The following CAMTA1 variants were observed in gnomAD, a reference collection of about 807,000 sequenced individuals.
CAMTA1 encodes calmodulin-binding transcription activator 1.
A neutral mutation model predicts 170.9 loss-of-function variants in CAMTA1; 27 were observed. The observed-to-expected ratio is 0.16, with a 90% CI of 0.12 to 0.22. CAMTA1 has a LOEUF of 0.22. Among genes scored for constraint, CAMTA1 ranks in the 10% least tolerant of loss-of-function variants. CAMTA1 has a pLI of 1.00. For synonymous variants in CAMTA1, 833 were observed against 891.5 expected (o/e 0.93, Z 1.17); for missense variants, 1,619 against 2,217.2 (o/e 0.73, Z 5.42).
At chr1:7,357,623 T>C (rs1458600974) in intron 5 of CAMTA1, among the ~76,000 whole-genome samples, 1 of 152,214 alleles carries the variant, frequency 6.6e-6, no homozygotes, top group East Asian at 1.9e-4. Flanking sequence ...TCCAAAAAAT[T>C]TCACTCTTTA....
At chr1:7,303,159 T>C (rs1675044898) in intron 5 of CAMTA1, among the ~76,000 whole-genome samples, 1 of 152,218 alleles carries the variant, frequency 6.6e-6, no homozygotes, top group Non-Finnish European at 1.5e-5. Context: ...CATTAACTAG[T>C]ATAAGCACCG....
chr1:7,742,597 T>C (rs2096826803), intron 16 of CAMTA1, among the ~76,000 whole-genome samples: 1 of 152,204 alleles, frequency 6.6e-6, no homozygotes, highest in Non-Finnish European at 1.5e-5. Context: ...ATGAGTGACG[T>C]GACTTTTCAG....
At chr1:7,322,742 T>C (rs371174614) in intron 5 of CAMTA1, among the ~76,000 whole-genome samples, 43 of 152,390 alleles carry the variant, frequency 2.8e-4, no homozygotes, top group East Asian at 1.3e-3. Flanking sequence ...TCTGTACTTA[T>C]GTGTCTGTTT....
intron 6 of CAMTA1, among the ~76,000 whole-genome samples, chr1:7,540,194 C>T (rs1193169): frequency 6.6e-6 from 1 of 151,978 alleles, no homozygotes; most frequent in Admixed American, 6.5e-5. Context: ...TGCATAAGTG[C>T]GACTCAATGA....
At chr1:7,311,146 C>A (rs536155226) in intron 5 of CAMTA1, among the ~76,000 whole-genome samples, 15 of 152,304 alleles carry the variant, frequency 9.8e-5, no homozygotes, top group Non-Finnish European at 2.1e-4. Context: ...TGTAGGTTTA[C>A]GTCTTGTGCC....
chr1:6,987,462 G>T (rs913983929), intron 3 of CAMTA1, among the ~76,000 whole-genome samples: 1 of 152,206 alleles, frequency 6.6e-6, no homozygotes, highest in Non-Finnish European at 1.5e-5. Context: ...ATCACGCCCG[G>T]CCAAAGACTC....
At position 7,357,419 on chromosome 1, in the gene CAMTA1, G is replaced by A. The variant is rs2085205819; in HGVS notation, c.438+107793G>A. Among the ~76,000 whole-genome samples the A allele has an allele frequency of 6.6e-5, 10 of 152,330 alleles. No individual in the cohort carries two copies. In the South Asian group the frequency reaches 2.1e-3, roughly 32 times the overall value. ...AGGAACTGAGTTGCCCCCTTGCCGG[G>A]CTCTCAAGTCCTGGCACTGCCCCAC... On this transcript the variant is annotated intron_variant, in intron 5 of 22. Transcript: ENST00000303635.
chr1:7,569,747 TCACCATCATCATCAC>T (rs531167027), intron 6 of CAMTA1, among the ~76,000 whole-genome samples: 5 of 151,272 alleles, frequency 3.3e-5, no homozygotes, highest in African/African-American at 1.2e-4. Flanking sequence ...AGCAGCAGCA[TCACCATCATCATCAC>T]CACCATCATC....
chr1:7,027,909 C>CTT (rs1174239473), intron 3 of CAMTA1, among the ~76,000 whole-genome samples: 5 of 143,200 alleles, frequency 3.5e-5, no homozygotes, highest in African/African-American at 1.0e-4. Context: ...TTTTTCTTTT[C>CTT]TTTTTTTTTT....
intron 3 of CAMTA1, among the ~76,000 whole-genome samples, chr1:6,917,782 G>A (rs1315682674): frequency 6.6e-6 from 1 of 151,166 alleles, no homozygotes; most frequent in Non-Finnish European, 1.5e-5. Flanking sequence ...GGGCAGAGTG[G>A]GGTGGGGGAG....
intron 3 of CAMTA1, among the ~76,000 whole-genome samples, chr1:6,832,889 A>G (rs1035714600): frequency 5.3e-5 from 8 of 152,208 alleles, no homozygotes; most frequent in Non-Finnish European, 1.2e-4. Context: ...TAAAAGTGAT[A>G]CTTGTGTAGC....
Position 7,640,828 on chromosome 1 carries a change from G to A in CAMTA1, c.664+275G>A, listed in dbSNP as rs529358688. On this transcript the variant is annotated intron_variant, in intron 7 of 22. Transcript: ENST00000303635. ...ACAGAGCATGTAGAGGAAGAAGCAG[G>A]CCAAGAGTGGGCCAGGACCGGGTCT... Among the ~76,000 whole-genome samples the A allele has an allele frequency of 2.0e-5, 3 of 152,332 alleles. No homozygotes were observed. In the South Asian group the frequency reaches 6.2e-4, roughly 32 times the overall value.
intron 6 of CAMTA1, among the ~76,000 whole-genome samples, chr1:7,626,559 G>A (rs568667272): frequency 1.3e-5 from 2 of 152,358 alleles, no homozygotes; most frequent in African/African-American, 4.8e-5. Flanking sequence ...GTGGTGAACA[G>A]CAACCAGCTC....
chr1:7,475,717 G>C (rs1271732940), intron 6 of CAMTA1, among the ~76,000 whole-genome samples: 1 of 152,234 alleles, frequency 6.6e-6, no homozygotes, highest in African/African-American at 2.4e-5. Context: ...CTGGCTTTTG[G>C]TTCTCACAGC....
At chr1:6,820,665 C>T (rs748508889) in intron 2 of CAMTA1, among the ~76,000 whole-genome samples, 7 of 152,082 alleles carry the variant, frequency 4.6e-5, no homozygotes, top group Non-Finnish European at 5.9e-5. Context: ...ATCTGAGCCT[C>T]ATGTTCCTCC....
Position 7,013,209 on chromosome 1 carries a change from C to CTTTTTTTTTTTTTTTTT in CAMTA1, c.235-78088_235-78072dup, listed in dbSNP as rs969077771. Among the ~76,000 whole-genome samples, 39 of 84,194 alleles carry CTTTTTTTTTTTTTTTTT rather than the reference C, an allele frequency of 4.6e-4. 4 individuals carry two copies. Among genetic ancestry groups the CTTTTTTTTTTTTTTTTT allele is most frequent in the East Asian group, 1.1e-3 (3 of 2,826 alleles). 55.2% of individuals were successfully genotyped at this position (84,194 alleles called of 152,430 possible). ...TCCAGGCCCTGCCTTTGCCCTTCTT[C>CTTTTTTTTTTTTTTTTT]TTTTTTTTTTTTTTTTTTTTTTTGA... On this transcript the variant is annotated intron_variant, in intron 3 of 22. Coordinates refer to ENST00000303635, the MANE Select transcript of CAMTA1 (RefSeq NM_015215.4).
At chr1:7,313,327 C>T (rs1455248183) in intron 5 of CAMTA1, among the ~76,000 whole-genome samples, 1 of 152,186 alleles carries the variant, frequency 6.6e-6, no homozygotes, top group Non-Finnish European at 1.5e-5. Context: ...CCTATGAGTC[C>T]TGGCGGTACT....
chr1:7,288,944 C>T (rs1672723947), intron 5 of CAMTA1, among the ~76,000 whole-genome samples: 1 of 152,156 alleles, frequency 6.6e-6, no homozygotes, highest in South Asian at 2.1e-4. Context: ...TTAATTGGCT[C>T]CTGGTTCCAC....
chr1:7,205,509 T>C (rs906185828), intron 4 of CAMTA1, among the ~76,000 whole-genome samples: 17 of 152,246 alleles, frequency 1.1e-4, no homozygotes, highest in Admixed American at 2.6e-4. Flanking sequence ...ATAATTGTTA[T>C]ATCTTCCTGA....
Sources: allele counts gnomAD v4.1 joint callset (sites outside exome capture counted in the v4.1 genomes callset), GRCh38; gene constraint gnomAD v4.1.1; transcripts MANE v1.5; gene names NCBI Gene and HGNC (gene_info 2026-07-23, HGNC 2026-07-21).